RAB38: variants seen among roughly 807,000 people sequenced by gnomAD.
The protein encoded by RAB38 is ras-related protein Rab-38.
RAB38 carries 15 observed loss-of-function variants against 18.4 expected under a neutral mutation model. That is an observed-to-expected ratio of 0.82 (90% confidence interval 0.55 to 1.26). RAB38 has a LOEUF of 1.26. Ranked by LOEUF, RAB38 falls within the 50% of genes most tolerant of loss-of-function variation. The pLI is 0.00. For synonymous variants in RAB38, 101 were observed against 104.4 expected, an observed-to-expected ratio of 0.97 and a Z score of 0.20; for missense variants, 294 against 267.4, an observed-to-expected ratio of 1.10 and a Z score of -0.69.
At chr11:88,004,597 T>C in the RAB38 span, among the ~76,000 whole-genome samples, 2 of 151,284 alleles carry the variant, frequency 1.3e-5, no homozygotes, top group Admixed American at 1.3e-4. Context: ...TACTCACTCC[T>C]TCCAGAAAAC....
At chr11:88,147,876 G>A (rs1205754568) in intron 2 of RAB38, among the ~76,000 whole-genome samples, 2 of 152,074 alleles carry the variant, frequency 1.3e-5, no homozygotes, top group Non-Finnish European at 2.9e-5. Context: ...CTGGGTGACA[G>A]AGCGAGACTC....
At chr11:87,846,300 A>G in the RAB38 span, among the ~76,000 whole-genome samples, 1 of 152,070 alleles carries the variant, frequency 6.6e-6, no homozygotes, top group African/African-American at 2.4e-5. Context: ...ACAGACAGAA[A>G]TGAACAAAGT....
At chr11:87,811,336 C>G in the RAB38 span, among the ~76,000 whole-genome samples, 1 of 152,184 alleles carries the variant, frequency 6.6e-6, no homozygotes, top group Admixed American at 6.5e-5. Flanking sequence ...GAGTGTCTCT[C>G]CCAGGTGCCC....
At chr11:88,047,942 TGTC>T in the RAB38 span, among the ~76,000 whole-genome samples, 1 of 152,234 alleles carries the variant, frequency 6.6e-6, no homozygotes, top group Non-Finnish European at 1.5e-5. Flanking sequence ...CATTCTATTC[TGTC>T]GTCATTTCAT....
At chr11:88,161,748 G>GA (rs1466597665) in intron 1 of RAB38, among the ~76,000 whole-genome samples, 5 of 152,066 alleles carry the variant, frequency 3.3e-5, no homozygotes, top group Admixed American at 1.3e-4. Context: ...TATTGGAGGA[G>GA]AAAATTAACA....
At chr11:88,073,673 G>A in the RAB38 span, among the ~76,000 whole-genome samples, 1 of 151,522 alleles carries the variant, frequency 6.6e-6, no homozygotes, top group African/African-American at 2.4e-5. Flanking sequence ...TTTCTCAAAT[G>A]CACAAAGGAA....
At chr11:87,867,262 G>A in the RAB38 span, among the ~76,000 whole-genome samples, 2 of 151,722 alleles carry the variant, frequency 1.3e-5, no homozygotes, top group African/African-American at 4.8e-5. Context: ...TAGCCAAACA[G>A]TGATCCAAAT....
chr11:87,812,842 T>A, the RAB38 span, among the ~76,000 whole-genome samples: 1 of 152,132 alleles, frequency 6.6e-6, no homozygotes, highest in African/African-American at 2.4e-5. Context: ...CCTTACAAAT[T>A]AGAGAAATAT....
chr11:88,123,010 T>C (rs897733671), intron 2 of RAB38, among the ~76,000 whole-genome samples: 95 of 152,258 alleles, frequency 6.2e-4, no homozygotes, highest in African/African-American at 2.2e-3. Context: ...ATCGTCACTA[T>C]ATTTCATGAG....
the RAB38 span, among the ~76,000 whole-genome samples, chr11:87,974,147 GA>G: frequency 2.6e-5 from 4 of 151,880 alleles, no homozygotes; most frequent in Non-Finnish European, 4.4e-5. Flanking sequence ...AAAGAAGTCA[GA>G]AGACACAGAT....
At chr11:87,878,609 A>G in the RAB38 span, among the ~76,000 whole-genome samples, 4,385 of 151,770 alleles carry the variant, frequency 0.029, 94 homozygotes, top group East Asian at 0.065. Context: ...GTTTTAAAAA[A>G]GCAATTTCCA....
At chr11:87,829,606 G>T in the RAB38 span, among the ~76,000 whole-genome samples, 1 of 152,116 alleles carries the variant, frequency 6.6e-6, no homozygotes, top group East Asian at 1.9e-4. Context: ...ATGCTCCCAG[G>T]ATCCAATCAC....
At chr11:88,105,679 GAATTGGAA>G in the RAB38 span, among the ~76,000 whole-genome samples, 10 of 152,020 alleles carry the variant, frequency 6.6e-5, no homozygotes, top group African/African-American at 1.9e-4. Flanking sequence ...CTTTTCTAAA[GAATTGGAA>G]AAAAGGCACA....
chr11:87,858,625 C>T, the RAB38 span, among the ~76,000 whole-genome samples: 3 of 151,898 alleles, frequency 2.0e-5, no homozygotes, highest in South Asian at 4.2e-4. Flanking sequence ...TCTCAAATGC[C>T]ATTGTATTAA....
chr11:88,149,783 C>T lies in RAB38; in HGVS notation c.375G>A (p.Leu125=), dbSNP rs771031060. The change falls in exon 2 of 3, where the codon TTG becomes TTA. Residue 125 remains leucine (L), a synonymous_variant. Coordinates refer to ENST00000243662, the MANE Select transcript of RAB38 (RefSeq NM_022337.3). The stretch of plus-strand genomic sequence containing the variant: ...CCTTCCCCTGGTCACATTTGTTGGC[C>T]AACAAAACCACTGAAACCGGTTTGC... The part of the protein sequence containing the change: ...PNGKPVSVVL[L]ANKCDQGKDV... The T allele has an allele frequency of 2.4e-5, 39 of 1,613,964 alleles. 1 individual carries two copies. In the South Asian group the frequency reaches 3.5e-4, roughly 15 times the overall value.
At chr11:88,029,738 G>C in the RAB38 span, among the ~76,000 whole-genome samples, 4 of 151,822 alleles carry the variant, frequency 2.6e-5, no homozygotes, top group African/African-American at 9.7e-5. Context: ...AGCAAGTCCT[G>C]AGTGACCTAC....
chr11:87,936,786 G>A, the RAB38 span, among the ~76,000 whole-genome samples: 22 of 152,028 alleles, frequency 1.4e-4, no homozygotes, highest in South Asian at 6.2e-4. Context: ...AGTATATACT[G>A]TATGGGATTA....
At chr11:87,956,120 C>T in the RAB38 span, among the ~76,000 whole-genome samples, 25 of 144,150 alleles carry the variant, frequency 1.7e-4, no homozygotes, top group African/African-American at 6.1e-4. Flanking sequence ...TACATACATG[C>T]ATATACCTTG....
At chr11:87,901,642 C>A in the RAB38 span, among the ~76,000 whole-genome samples, 1 of 151,544 alleles carries the variant, frequency 6.6e-6, no homozygotes, top group Non-Finnish European at 1.5e-5. Context: ...CATAGAAGGT[C>A]AAGGATTCTA....
Sources: gnomAD v4.1 joint callset for allele counts (sites outside exome capture counted in the v4.1 genomes callset) on GRCh38, gnomAD v4.1.1 for gene constraint, MANE v1.5 for transcripts, NCBI Gene and HGNC (gene_info 2026-07-23, HGNC 2026-07-21) for gene names.